Variants in NBR1 observed in about 807,000 individuals in gnomAD.
The protein encoded by NBR1 is next to BRCA1 gene 1 protein.
NBR1 carries 59 observed loss-of-function variants against 115.5 expected under a neutral mutation model. That is an observed-to-expected ratio of 0.51 (90% CI 0.41 to 0.63). The LOEUF (loss-of-function observed/expected upper bound fraction) is 0.63. Ranked by LOEUF, NBR1 falls within the 30% of genes least tolerant of loss-of-function variation. The probability of loss-of-function intolerance (pLI) is 0.00; values close to 1 mark genes in which losing one functional copy is unlikely to be tolerated. For missense variants in NBR1, 1,043 were observed against 1,150.5 expected (o/e 0.91, Z 1.35); for synonymous variants, 373 against 414.7 (o/e 0.90, Z 1.22).
intron 16 of NBR1, among the ~76,000 whole-genome samples, chr17:43,199,531 T>C (rs1182413408): frequency 6.6e-6 from 1 of 151,886 alleles, no homozygotes; most frequent in Non-Finnish European, 1.5e-5. Flanking sequence ...CCCGCCACCA[T>C]GCCCGGGTAA....
At chr17:43,185,841 A>AG (rs1342002106) in intron 5 of NBR1, among the ~76,000 whole-genome samples, 3 of 152,058 alleles carry the variant, frequency 2.0e-5, no homozygotes, top group Non-Finnish European at 4.4e-5. Flanking sequence ...TACTACAAAT[A>AG]CAAAAATTAG....
intron 12 of NBR1, 21 bp from the exon 13 acceptor site, chr17:43,194,329 C>T: frequency 6.3e-7 from 1 of 1,594,714 alleles, no homozygotes; most frequent in Non-Finnish European, 8.6e-7. Flanking sequence ...TAAAATTTGT[C>T]TCAATGGTTT....
rs769623643 is a variant in NBR1 at position 43,193,230 on chromosome 17, G to A, written c.1210G>A (p.Val404Ile). Residue 404 changes from valine (V) to isoleucine (I), a missense_variant, in exon 11 of 21, where the codon GTA becomes ATA. By Grantham distance (29) the Val-to-Ile change is conservative. Transcript: ENST00000590996. ...KHWRMKNTGNVKWSADTKLKF... is the reference protein window; with the variant it reads ...KHWRMKNTGNIKWSADTKLKF... ...CTGGAGGATGAAAAATACAGGAAAT[G>A]TAAAGTGGAGTGCAGACACAAAGGT... 4 of 1,613,980 alleles carry A rather than the reference G, an allele frequency of 2.5e-6. No individual in the cohort carries two copies. In the South Asian group the frequency reaches 4.4e-5, roughly 18 times the overall value.
intron 2 of NBR1, among the ~76,000 whole-genome samples, chr17:43,176,908 A>G (rs917452634): frequency 6.6e-6 from 1 of 152,082 alleles, no homozygotes; most frequent in African/African-American, 2.4e-5. Context: ...TTGGGTAACC[A>G]ATGTTAACAG....
In NBR1 at chr17:43,203,783, A is replaced by G. The variant is rs760597837; in HGVS notation, c.2724A>G (p.Ala908=). Reference sequence around the variant, plus strand: ...TGTTTGCTGGGCCACCAGTCACTGCACAGGTCAGTGTGTGTGTTTTATTTT... The same window carrying G: ...TGTTTGCTGGGCCACCAGTCACTGCGCAGGTCAGTGTGTGTGTTTTATTTT... The part of the protein sequence containing the change: ...KALFAGPPVT[A]QPIISEDQTA... The change falls in exon 20 of 21, where the codon GCA becomes GCG. Residue 908 remains alanine, a synonymous_variant. Transcript: ENST00000590996. 6 of 1,579,646 alleles carry G rather than the reference A, an allele frequency of 3.8e-6. 1 individual carries two copies. The South Asian group carries it at 6.9e-5, about 18-fold the overall frequency.
Position 43,190,638 on chromosome 17 carries a change from A to AT in NBR1, c.727dup (p.Cys243LeufsTer2). The AT allele has an allele frequency of 6.2e-7, 1 of 1,601,696 alleles. No homozygotes were observed. The highest frequency in any genetic ancestry group is 8.5e-7 in the Non-Finnish European group (1 of 1,174,076). On this transcript the variant is annotated frameshift_variant, in exon 9 of 21. Coordinates refer to ENST00000590996, the MANE Select transcript of NBR1 (RefSeq NM_005899.5). LOFTEE classifies it high-confidence loss of function. Reference sequence around the variant, plus strand: ...TGCCCATCCTACAATATCTGTGAAGATTGTGAAGCAGGGCCATATGGCCAT... The same window carrying AT: ...TGCCCATCCTACAATATCTGTGAAGATTTGTGAAGCAGGGCCATATGGCCAT...
chr17:43,196,119 T>TC (rs1220665859), intron 14 of NBR1: 1 of 157,454 alleles, frequency 6.4e-6, no homozygotes, highest in African/African-American at 2.6e-5. Context: ...AGACTGCATC[T>TC]CAAAAAAAAA....
intron 3 of NBR1, among the ~76,000 whole-genome samples, chr17:43,178,825 T>C (rs1164281142): frequency 1.3e-5 from 2 of 150,764 alleles, no homozygotes; most frequent in Non-Finnish European, 3.0e-5. Flanking sequence ...CTGGTGTGCA[T>C]TGGCATAGCT....
intron 5 of NBR1, 77 bp from the exon 6 acceptor site, chr17:43,186,173 G>C: frequency 7.7e-7 from 1 of 1,299,834 alleles, no homozygotes; most frequent in Non-Finnish European, 1.1e-6. Context: ...ACACTCTTCT[G>C]TTTTGATGTC....
At chr17:43,195,107 C>A in intron 14 of NBR1, 68 bp downstream of exon 14, 2 of 1,221,090 alleles carry the variant, frequency 1.6e-6, no homozygotes, top group Non-Finnish European at 2.4e-6. Context: ...AGCCTAGACA[C>A]TGGTAGTGTT....
upstream of NBR1, chr17:43,170,954 T>G (rs2056339179): frequency 2.0e-5 from 3 of 152,290 alleles, 1 homozygote; most frequent in South Asian, 6.2e-4. Flanking sequence ...GTCAGTGGCC[T>G]GCGGGGACGC....
At chr17:43,183,455 A>G (rs4793216) in intron 5 of NBR1, among the ~76,000 whole-genome samples, 47,098 of 147,780 alleles carry the variant, frequency 0.32, 7,953 homozygotes, top group South Asian at 0.5. Context: ...TCTTGACCTC[A>G]TGATCCACCT....
At chr17:43,189,021 T>A in intron 6 of NBR1, 21 bp from the exon 7 acceptor site, 1 of 1,565,110 alleles carries the variant, frequency 6.4e-7, no homozygotes, top group Non-Finnish European at 8.8e-7. Flanking sequence ...CTCTAACATC[T>A]CGGCTTGTGT....
At position 43,210,141 on chromosome 17, in the gene NBR1, G is replaced by C; in HGVS notation, c.*67G>C. The C allele has an allele frequency of 6.9e-7, 1 of 1,458,342 alleles. No individual in the cohort carries two copies. The highest frequency in any genetic ancestry group is 1.3e-5 in the South Asian group (1 of 74,120). The allele number at this position is 1,458,342 out of a possible 1,614,324, so 90.3% of individuals were successfully genotyped here. Reference sequence around the variant, plus strand: ...GATCTTTATTCTGTCATTGGGGTATGGGATAGAAGCCCTTGCTTATTTTTA... The same window carrying C: ...GATCTTTATTCTGTCATTGGGGTATCGGATAGAAGCCCTTGCTTATTTTTA... On this transcript the variant is annotated 3_prime_UTR_variant, in exon 21 of 21. Transcript: ENST00000590996.
rs921186355 is a variant in NBR1, at chr17:43,200,241, G to A, written c.2101G>A (p.Val701Ile). ...TATCCATATCGCTGAGGAAGAAGCT[G>A]TCATGGAGGAGGAGGAGGATGAGGA... The part of the protein sequence containing the change: ...EIIHIAEEEA[V>I]MEEEEDEEDE... Residue 701 changes from valine to isoleucine, a missense_variant, in exon 17 of 21, where the codon GTC becomes ATC. By Grantham distance (29) the Val-to-Ile change is conservative (BLOSUM62 3). Coordinates refer to ENST00000590996, the MANE Select transcript of NBR1 (RefSeq NM_005899.5). 3.2e-6 allele frequency: 5 copies of A among 1,551,858 alleles called. No homozygotes were observed. The highest frequency in any genetic ancestry group is 1.4e-5 in the African/African-American group (1 of 73,070).
At chr17:43,182,733 A>G (rs772352611) in intron 5 of NBR1, among the ~76,000 whole-genome samples, 3 of 151,766 alleles carry the variant, frequency 2.0e-5, no homozygotes, top group African/African-American at 4.9e-5. Flanking sequence ...TAACACATCC[A>G]TCACCTCAGA....
intron 3 of NBR1, among the ~76,000 whole-genome samples, chr17:43,178,770 T>G (rs970459098): frequency 1.4e-5 from 2 of 142,992 alleles, no homozygotes; most frequent in African/African-American, 5.1e-5. Context: ...TGGCTAAGCT[T>G]TTTTTTTTTT....
At position 43,187,273 on chromosome 17, in the gene NBR1, C is replaced by T. The variant is rs150045672; in HGVS notation, c.402+829C>T. Among the ~76,000 whole-genome samples, 173 of 152,172 alleles carry T rather than the reference C, an allele frequency of 1.1e-3. No homozygotes were observed. In the Middle Eastern group the frequency reaches 0.014, roughly 12 times the overall value. ...TCGGCTTATTGCAAGCTCTGCCTCC[C>T]GGGTTAACACCATTCTCCTGCCTCA... On this transcript the variant is annotated intron_variant, in intron 6 of 20. Transcript: ENST00000590996.
At chr17:43,201,144 C>T (rs1035578369) in intron 17 of NBR1, among the ~76,000 whole-genome samples, 5 of 152,214 alleles carry the variant, frequency 3.3e-5, no homozygotes, top group South Asian at 4.1e-4. Flanking sequence ...GCTGGAATTA[C>T]AGGTGTGAGC....
Sources: gnomAD v4.1 joint callset for allele counts (sites outside exome capture counted in the v4.1 genomes callset) on GRCh38, gnomAD v4.1.1 for gene constraint, MANE v1.5 for transcripts, NCBI Gene and HGNC (gene_info 2026-07-23, HGNC 2026-07-21) for gene names.